CDIN1: variants seen among roughly 807,000 people sequenced by gnomAD.
CDIN1 encodes CDAN1-interacting nuclease 1.
Under a neutral mutation model 45.3 loss-of-function variants are expected in CDIN1, and 33 were observed. That is an observed-to-expected ratio of 0.73 (90% CI 0.55 to 0.97). The LOEUF (loss-of-function observed/expected upper bound fraction) is 0.97. CDIN1 is among the 50% of genes least tolerant of loss of function. The pLI is 0.00. For synonymous variants in CDIN1, 118 were observed against 124.4 expected (o/e 0.95, Z 0.34); for missense variants, 303 against 339.4 (o/e 0.89, Z 0.84).
At chr15:36,703,500 GC>G (rs34010977) in intron 8 of CDIN1, among the ~76,000 whole-genome samples, 20,602 of 142,484 alleles carry the variant, frequency 0.14, 1,512 homozygotes, top group East Asian at 0.25. Context: ...TCACATTACT[GC>G]CCACTCATGA....
chr15:36,694,611 A>G (rs1424653088), intron 7 of CDIN1, among the ~76,000 whole-genome samples: 2 of 152,094 alleles, frequency 1.3e-5, no homozygotes, highest in African/African-American at 4.8e-5. Context: ...TTTCCTATGC[A>G]GCCATGCCCA....
At chr15:36,742,570 A>G (rs761759437) in intron 10 of CDIN1, among the ~76,000 whole-genome samples, 14 of 152,064 alleles carry the variant, frequency 9.2e-5, no homozygotes, top group Non-Finnish European at 1.5e-4. Flanking sequence ...CTTTCTCACA[A>G]TTTTCTTTAT....
intron 10 of CDIN1, among the ~76,000 whole-genome samples, chr15:36,715,054 A>G (rs1382569366): frequency 2.6e-5 from 4 of 152,152 alleles, no homozygotes; most frequent in Non-Finnish European, 4.4e-5. Flanking sequence ...GCTCTAAAGG[A>G]CAGTATTAAA....
chr15:36,701,591 G>A (rs74509802), intron 8 of CDIN1, among the ~76,000 whole-genome samples: 8 of 152,254 alleles, frequency 5.3e-5, no homozygotes, highest in South Asian at 2.1e-4. Context: ...AGGGACTTCC[G>A]TTAGTGACTG....
At chr15:36,687,887 A>G (rs1307990618) in intron 5 of CDIN1, among the ~76,000 whole-genome samples, 1 of 152,186 alleles carries the variant, frequency 6.6e-6, no homozygotes, top group Admixed American at 6.5e-5. Context: ...CCATATTAAT[A>G]TAAACATCAC....
chr15:36,772,660 G>A (rs904726985), intron 10 of CDIN1, among the ~76,000 whole-genome samples: 2 of 152,170 alleles, frequency 1.3e-5, no homozygotes, highest in African/African-American at 4.8e-5. Context: ...GGCCCTGATA[G>A]ATACATACTG....
At chr15:36,742,165 C>T (rs1485123767) in intron 10 of CDIN1, among the ~76,000 whole-genome samples, 1 of 151,920 alleles carries the variant, frequency 6.6e-6, no homozygotes, top group Non-Finnish European at 1.5e-5. Flanking sequence ...ATGTGAGATA[C>T]TAGGAAAGGA....
chr15:36,600,044 T>G (rs2038022837), intron 1 of CDIN1, among the ~76,000 whole-genome samples: 1 of 152,244 alleles, frequency 6.6e-6, no homozygotes, highest in Non-Finnish European at 1.5e-5. Context: ...GCATTTGAAT[T>G]GGAAATTGTC....
At chr15:36,593,358 T>A (rs1216300906) in intron 1 of CDIN1, among the ~76,000 whole-genome samples, 2 of 152,226 alleles carry the variant, frequency 1.3e-5, no homozygotes, top group African/African-American at 2.4e-5. Context: ...TTATGAAAGA[T>A]ACTTGAGTGA....
intron 7 of CDIN1, among the ~76,000 whole-genome samples, chr15:36,696,749 ACT>A (rs2042441113): frequency 6.6e-6 from 1 of 151,936 alleles, no homozygotes; most frequent in South Asian, 2.1e-4. Context: ...ATTTAAAATG[ACT>A]CTCCTTCTTT....
At chr15:36,608,581 A>G (rs1377364398) in intron 1 of CDIN1, among the ~76,000 whole-genome samples, 1 of 151,982 alleles carries the variant, frequency 6.6e-6, no homozygotes, top group Non-Finnish European at 1.5e-5. Flanking sequence ...TATATACGTG[A>G]TTTGCAAGTA....
At chr15:36,774,368 G>A (rs1421164179) in intron 10 of CDIN1, among the ~76,000 whole-genome samples, 2 of 151,928 alleles carry the variant, frequency 1.3e-5, no homozygotes, top group Non-Finnish European at 2.9e-5. Context: ...GAGCTATTTG[G>A]AGGGGACGTC....
chr15:36,709,896 C>T lies in CDIN1; in HGVS notation c.651C>T (p.Ala217=). 6.2e-7 allele frequency: 1 copy of T among 1,613,322 alleles called. No individual in the cohort carries two copies. The highest frequency in any genetic ancestry group is 2.2e-5 in the East Asian group (1 of 44,862). Residue 217 remains alanine (A), a synonymous_variant, in exon 10 of 11, where the codon GCC becomes GCT. Transcript: ENST00000566621. The part of the protein sequence containing the change: ...GHIIHWIESK[A]SFGDECSHHA... ...TAATTCACTGGATTGAAAGCAAAGC[C>T]TCATTTGGTGATGAATGTAGCCACC... is the stretch of plus-strand genomic sequence containing the variant.
chr15:36,651,990 G>A (rs1481422963), intron 3 of CDIN1, among the ~76,000 whole-genome samples: 2 of 152,170 alleles, frequency 1.3e-5, no homozygotes, highest in Admixed American at 1.3e-4. Context: ...TTGACTTAAA[G>A]CAACAGATCT....
intron 1 of CDIN1, among the ~76,000 whole-genome samples, chr15:36,615,614 G>T (rs938324437): frequency 6.6e-6 from 1 of 152,144 alleles, no homozygotes; most frequent in Non-Finnish European, 1.5e-5. Flanking sequence ...TTATTTATGG[G>T]CTCACTAAAT....
intron 10 of CDIN1, among the ~76,000 whole-genome samples, chr15:36,788,096 ATATATATATATTTTTT>A (rs1206927510): frequency 3.2e-3 from 109 of 34,360 alleles, no homozygotes; most frequent in Non-Finnish European, 5.2e-3. Flanking sequence ...ATATATATAT[ATATATATATATTTTTT>A]TTTTTTTTTT....
chr15:36,765,132 T>C (rs1178327871), intron 10 of CDIN1, among the ~76,000 whole-genome samples: 1 of 149,532 alleles, frequency 6.7e-6, no homozygotes, highest in Non-Finnish European at 1.5e-5. Context: ...CTCAGCTCAC[T>C]GCAACCTCTG....
intron 3 of CDIN1, among the ~76,000 whole-genome samples, chr15:36,653,470 A>AAG (rs2040653455): frequency 6.6e-6 from 1 of 151,052 alleles, no homozygotes; most frequent in East Asian, 1.9e-4. Flanking sequence ...AAAAAAAAAA[A>AAG]TCCCCCCAGC....
At chr15:36,774,190 A>T (rs8039699) in intron 10 of CDIN1, among the ~76,000 whole-genome samples, 125,926 of 150,486 alleles carry the variant, frequency 0.84, 54,244 homozygotes, top group East Asian at 0.95. Context: ...ATGAGGGGAG[A>T]CACAATCATA....
Sources: gnomAD v4.1 joint callset for allele counts (sites outside exome capture counted in the v4.1 genomes callset) on GRCh38, gnomAD v4.1.1 for gene constraint, MANE v1.5 for transcripts, NCBI Gene and HGNC (gene_info 2026-07-23, HGNC 2026-07-21) for gene names.